ETS1: variants seen among roughly 807,000 people sequenced by gnomAD.
The protein encoded by ETS1 is protein C-ets-1.
In ETS1, 15 loss-of-function variants were observed where a neutral mutation model predicts 58.6. The ratio of observed to expected loss-of-function variants is 0.26; its 90% CI spans 0.17 to 0.39. The LOEUF is 0.39. Ranked by LOEUF, ETS1 falls within the 10% of genes least tolerant of loss-of-function variation. ETS1 has a pLI of 1.00. For synonymous variants in ETS1, 214 were observed against 218.2 expected (o/e 0.98, Z 0.17); for missense variants, 417 against 610.5 (o/e 0.68, Z 3.34).
chr11:128,528,877 A>G (rs1161192039), intron 3 of ETS1: 3 of 152,288 alleles, frequency 2.0e-5, no homozygotes, highest in African/African-American at 7.2e-5. Flanking sequence ...AGATCACAAT[A>G]TTCATTTTAC....
At chr11:128,526,886 C>T (rs1863811041) in intron 3 of ETS1, 2 of 455,734 alleles carry the variant, frequency 4.4e-6, no homozygotes, top group Non-Finnish European at 8.8e-6. Flanking sequence ...CTCCTATTTA[C>T]CAGAGGTGAA....
chr11:128,576,508 C>A (rs74666753), intron 1 of ETS1, among the ~76,000 whole-genome samples: 10,473 of 152,132 alleles, frequency 0.069, 529 homozygotes, highest in South Asian at 0.14. Flanking sequence ...TACTCCCCAG[C>A]GAAGAAGCAT....
At chr11:128,579,069 A>G (rs2135591338) in intron 1 of ETS1, among the ~76,000 whole-genome samples, 1 of 152,354 alleles carries the variant, frequency 6.6e-6, no homozygotes, top group South Asian at 2.1e-4. Context: ...CAAAGGCATC[A>G]TGTTTTAAAT....
intron 3 of ETS1, among the ~76,000 whole-genome samples, chr11:128,500,759 G>T (rs1354250943): frequency 6.6e-6 from 1 of 152,068 alleles, no homozygotes; most frequent in Non-Finnish European, 1.5e-5. Flanking sequence ...GCAGCCACAG[G>T]CACTGAAGCA....
rs925786805 is a variant in ETS1, at chr11:128,505,668, C to G, written c.215-15092G>C. ...CGCCAGGCAGACCCAATCTCCAGAT[C>G]AATGGGCGAGACCAACCAATGGGTG... On this transcript the variant is annotated intron_variant, in intron 3 of 9. Coordinates refer to ENST00000392668, the MANE Select transcript of ETS1 (RefSeq NM_001143820.2). Among the ~76,000 whole-genome samples the G allele has an allele frequency of 2.0e-5, 3 of 152,186 alleles. No individual in the cohort carries two copies. The South Asian group carries it at 6.2e-4, about 32-fold the overall frequency.
chr11:128,574,646 T>C (rs375977757), intron 1 of ETS1, among the ~76,000 whole-genome samples: 88 of 152,278 alleles, frequency 5.8e-4, no homozygotes, highest in African/African-American at 2.0e-3. Context: ...GTAAGATGCA[T>C]GTCACGTGGT....
chr11:128,572,330 A>G (rs1864654107), intron 2 of ETS1: 3 of 152,186 alleles, frequency 2.0e-5, no homozygotes, highest in Non-Finnish European at 4.4e-5. Context: ...AGAAAAAAAA[A>G]ATTCAACATT....
At chr11:128,541,524 G>A (rs1037095537) in intron 3 of ETS1, among the ~76,000 whole-genome samples, 2 of 152,232 alleles carry the variant, frequency 1.3e-5, no homozygotes, top group Non-Finnish European at 1.5e-5. Flanking sequence ...GCCTTAGAAT[G>A]AGAGGAACCA....
intron 1 of ETS1, among the ~76,000 whole-genome samples, chr11:128,582,818 A>C (rs560579965): frequency 1.3e-5 from 2 of 152,258 alleles, no homozygotes; most frequent in South Asian, 4.1e-4. Context: ...GAAATATTGC[A>C]GCTTCCTGAG....
At chr11:128,574,606 T>G (rs1157314388) in intron 1 of ETS1, among the ~76,000 whole-genome samples, 1 of 152,142 alleles carries the variant, frequency 6.6e-6, no homozygotes, top group African/African-American at 2.4e-5. Flanking sequence ...TGGGTCTGAC[T>G]CTGTACCAGG....
rs1036804507 is a variant in ETS1, at chr11:128,458,951, C to T, written c.*3410G>A. ...TTTAAAAAAACATCGACACTTACAT[C>T]GCTACATCTCTAAGCTACCTCAGTT... is the stretch of plus-strand genomic sequence containing the variant. On this transcript the variant is annotated 3_prime_UTR_variant, in exon 10 of 10. Transcript: ENST00000392668. The surrounding 1 kb of genome is among the most constrained non-coding windows in gnomAD (Gnocchi z 4.3). 3 of 152,402 alleles carry T rather than the reference C, an allele frequency of 2.0e-5. No homozygotes were observed. The highest frequency in any genetic ancestry group is 7.3e-5 in the African/African-American group (3 of 41,324). The allele number at this position is 152,402 out of a possible 1,614,324, so 9.4% of individuals were successfully genotyped here. A position where few individuals can be genotyped will look rare whatever the true frequency, so the allele number is the denominator to read the frequency against.
At chr11:128,513,910 A>G (rs1863453933) in intron 3 of ETS1, among the ~76,000 whole-genome samples, 1 of 152,150 alleles carries the variant, frequency 6.6e-6, no homozygotes, top group African/African-American at 2.4e-5. Flanking sequence ...AGAAAATCAG[A>G]CTCAACAACA....
intron 3 of ETS1, among the ~76,000 whole-genome samples, chr11:128,534,642 G>T (rs1445695578): frequency 6.6e-6 from 1 of 152,078 alleles, no homozygotes; most frequent in Non-Finnish European, 1.5e-5. Context: ...TGTTCTCATT[G>T]TTCAACTCCC....
chr11:128,568,139 G>A (rs12284728), intron 2 of ETS1, among the ~76,000 whole-genome samples: 2,380 of 152,276 alleles, frequency 0.016, 72 homozygotes, highest in African/African-American at 0.053. Flanking sequence ...GGCTCTGGGA[G>A]GAGGTGAGTG....
At chr11:128,475,120 G>A (rs894326708) in intron 8 of ETS1, among the ~76,000 whole-genome samples, 2 of 152,224 alleles carry the variant, frequency 1.3e-5, no homozygotes, top group Non-Finnish European at 2.9e-5. Flanking sequence ...CATGCCCACA[G>A]CACAAATTCA....
intron 8 of ETS1, among the ~76,000 whole-genome samples, chr11:128,469,588 G>C (rs1201807277): frequency 6.6e-6 from 1 of 152,128 alleles, no homozygotes; most frequent in Non-Finnish European, 1.5e-5. Context: ...TAAATCTCCT[G>C]ATTTCCATTA....
intron 8 of ETS1, among the ~76,000 whole-genome samples, chr11:128,471,513 G>A (rs1410944402): frequency 6.6e-6 from 1 of 152,190 alleles, no homozygotes; most frequent in Non-Finnish European, 1.5e-5. Flanking sequence ...CAGTAACTCT[G>A]TCTAACACAT....
At chr11:128,579,457 T>C (rs1591678068) in intron 1 of ETS1, among the ~76,000 whole-genome samples, 1 of 147,914 alleles carries the variant, frequency 6.8e-6, no homozygotes, top group South Asian at 2.2e-4. Flanking sequence ...AGGTCAGGAG[T>C]TCAAGAGCAG....
chr11:128,503,313 T>C (rs1863138925), intron 3 of ETS1, among the ~76,000 whole-genome samples: 3 of 152,186 alleles, frequency 2.0e-5, no homozygotes, highest in Admixed American at 2.0e-4. Flanking sequence ...ACATGCTGGA[T>C]ACTGCTAGGG....
Sources: gnomAD v4.1 joint callset for allele counts (sites outside exome capture counted in the v4.1 genomes callset) on GRCh38, gnomAD v4.1.1 for gene constraint, Gnocchi (gnomAD v3.1) non-coding constraint, MANE v1.5 for transcripts, NCBI Gene and HGNC (gene_info 2026-07-23, HGNC 2026-07-21) for gene names.